The following GABRB2 variants were observed in gnomAD, a reference collection of about 807,000 sequenced individuals.
GABRB2 encodes gamma-aminobutyric acid receptor subunit beta-2.
Under a neutral mutation model 54.7 loss-of-function variants are expected in GABRB2, and 16 were observed. That is an observed-to-expected ratio of 0.29 (90% CI 0.20 to 0.44). GABRB2 has a LOEUF of 0.44. GABRB2 is among the 20% of genes least tolerant of loss of function. GABRB2 has a pLI of 1.00. For missense variants in GABRB2, 355 were observed against 644.0 expected (o/e 0.55, Z 4.86); for synonymous variants, 244 against 233.8 (o/e 1.04, Z -0.40).
intron 3 of GABRB2, among the ~76,000 whole-genome samples, chr5:161,463,315 CACCA>C (rs1162956453): frequency 6.0e-5 from 7 of 117,562 alleles, no homozygotes; most frequent in Middle Eastern, 4.1e-3. Context: ...TGTACACACA[CACCA>C]CACACACACA....
At chr5:161,542,966 C>CA (rs1482351073) in intron 3 of GABRB2, among the ~76,000 whole-genome samples, 2 of 152,038 alleles carry the variant, frequency 1.3e-5, no homozygotes, top group East Asian at 3.9e-4. Flanking sequence ...ACAAACATCA[C>CA]AAAAAAATTT....
intron 5 of GABRB2, among the ~76,000 whole-genome samples, chr5:161,380,934 A>G (rs191146196): frequency 1.5e-4 from 23 of 152,186 alleles, no homozygotes; most frequent in African/African-American, 5.1e-4. Context: ...TAAAAATGTC[A>G]TGGGATTTAA....
intron 3 of GABRB2, among the ~76,000 whole-genome samples, chr5:161,488,852 T>C (rs775924684): frequency 5.9e-5 from 9 of 151,808 alleles, no homozygotes; most frequent in Non-Finnish European, 2.9e-5. Flanking sequence ...GCAATTGGTG[T>C]CATTCCTAGC....
intron 3 of GABRB2, among the ~76,000 whole-genome samples, chr5:161,464,066 G>A (rs1038433454): frequency 6.6e-6 from 1 of 151,806 alleles, no homozygotes; most frequent in Non-Finnish European, 1.5e-5. Flanking sequence ...AAACCTAAAA[G>A]TATAAGCAAT....
intron 3 of GABRB2, among the ~76,000 whole-genome samples, chr5:161,472,017 T>C (rs1235538215): frequency 1.3e-5 from 2 of 151,908 alleles, no homozygotes; most frequent in African/African-American, 4.8e-5. Flanking sequence ...ACCTTTGGCA[T>C]GCTACTTAAC....
intron 4 of GABRB2, among the ~76,000 whole-genome samples, chr5:161,417,425 C>T (rs770523593): frequency 6.6e-5 from 10 of 152,118 alleles, no homozygotes; most frequent in East Asian, 5.8e-4. Flanking sequence ...AAGAGTCACA[C>T]GGTGAGTGGT....
chr5:161,471,921 T>C (rs530980919), intron 3 of GABRB2, among the ~76,000 whole-genome samples: 22 of 152,074 alleles, frequency 1.4e-4, no homozygotes, highest in Non-Finnish European at 3.2e-4. Flanking sequence ...CCTAGGTTCT[T>C]GCTTTTTGCA....
intron 4 of GABRB2, among the ~76,000 whole-genome samples, chr5:161,416,913 A>G (rs116004867): frequency 0.024 from 3,635 of 151,970 alleles, 142 homozygotes; most frequent in African/African-American, 0.082. Context: ...GGCCAATTAT[A>G]AAAAATATAT....
At chr5:161,351,695 A>G (rs1754474947) in intron 5 of GABRB2, among the ~76,000 whole-genome samples, 1 of 152,162 alleles carries the variant, frequency 6.6e-6, no homozygotes, top group East Asian at 1.9e-4. Context: ...GCAAAAACAT[A>G]CAAATGGGAA....
chr5:161,464,665 G>T (rs1312304911), intron 3 of GABRB2, among the ~76,000 whole-genome samples: 4 of 152,058 alleles, frequency 2.6e-5, no homozygotes, highest in Admixed American at 2.0e-4. Flanking sequence ...GCCGATACAG[G>T]GATAGACAAA....
At chr5:161,460,581 A>G (rs1409693509) in intron 3 of GABRB2, among the ~76,000 whole-genome samples, 1 of 152,178 alleles carries the variant, frequency 6.6e-6, no homozygotes, top group African/African-American at 2.4e-5. Flanking sequence ...ATAGTTATGT[A>G]TTTGTTTCTA....
At position 161,288,924 on chromosome 5, in the gene GABRB2, G is replaced by A. The variant is rs996269793; in HGVS notation, c.*5157C>T. On this transcript the variant is annotated 3_prime_UTR_variant, in exon 10 of 10. Coordinates refer to ENST00000393959, the MANE Select transcript of GABRB2 (RefSeq NM_001371727.1). ...TGGGATTAATTATGTTTAAAATGAC[G>A]ATGGTTGAACTCAAATTATTGAACC... 4.6e-5 allele frequency: 7 copies of A among 152,114 alleles called. No homozygotes were observed. The highest frequency in any genetic ancestry group is 8.8e-5 in the Non-Finnish European group (6 of 68,016). 9.4% of individuals were successfully genotyped at this position (152,114 alleles called of 1,614,324 possible). A position where few individuals can be genotyped will look rare whatever the true frequency, so the allele number is the denominator to read the frequency against.
intron 4 of GABRB2, among the ~76,000 whole-genome samples, chr5:161,424,327 C>T (rs922212295): frequency 2.6e-5 from 4 of 152,088 alleles, no homozygotes; most frequent in African/African-American, 7.2e-5. Flanking sequence ...GTCAATTCCT[C>T]GATTCAAAGC....
chr5:161,400,911 G>A (rs1011555573), intron 5 of GABRB2, among the ~76,000 whole-genome samples: 4 of 152,158 alleles, frequency 2.6e-5, no homozygotes, highest in Non-Finnish European at 5.9e-5. Context: ...GTTTTACATA[G>A]AATTCATATT....
intron 3 of GABRB2, among the ~76,000 whole-genome samples, chr5:161,479,720 G>C (rs967461051): frequency 6.6e-6 from 1 of 151,544 alleles, no homozygotes; most frequent in Non-Finnish European, 1.5e-5. Context: ...CTCCTGAGTA[G>C]CTGGGAGTAC....
At chr5:161,321,699 C>T (rs916371383) in intron 9 of GABRB2, among the ~76,000 whole-genome samples, 1 of 152,130 alleles carries the variant, frequency 6.6e-6, no homozygotes, top group Non-Finnish European at 1.5e-5. Flanking sequence ...TTTCCATTGT[C>T]TAACGATATT....
At chr5:161,429,305 C>CCAG (rs1757102993) in intron 4 of GABRB2, among the ~76,000 whole-genome samples, 1 of 127,974 alleles carries the variant, frequency 7.8e-6, no homozygotes, top group Non-Finnish European at 1.6e-5. Flanking sequence ...GAGATCGCAC[C>CCAG]ACTGCACTCC....
chr5:161,449,230 T>C (rs1427665212), intron 4 of GABRB2, among the ~76,000 whole-genome samples: 1 of 152,294 alleles, frequency 6.6e-6, no homozygotes, highest in Admixed American at 6.5e-5. Context: ...GCAAGTTACT[T>C]ATTCCCCCAA....
At chr5:161,421,274 C>G (rs1005727766) in intron 4 of GABRB2, among the ~76,000 whole-genome samples, 6 of 152,162 alleles carry the variant, frequency 3.9e-5, no homozygotes, top group African/African-American at 1.4e-4. Flanking sequence ...GCAAACTGTG[C>G]TACATGATGC....
Sources: allele counts gnomAD v4.1 joint callset (sites outside exome capture counted in the v4.1 genomes callset), GRCh38; gene constraint gnomAD v4.1.1; transcripts MANE v1.5; gene names NCBI Gene and HGNC (gene_info 2026-07-23, HGNC 2026-07-21).